Variants in S100G observed in about 807,000 individuals in gnomAD.
S100G encodes the protein S100 calcium binding protein G.
Under a neutral mutation model 4.4 loss-of-function variants are expected in S100G, and 4 were observed. The observed-to-expected ratio is 0.91, with a 90% CI of 0.45 to 2.09. S100G has a LOEUF of 2.09. Among genes scored for constraint, S100G ranks in the 30% most tolerant of loss-of-function variants. The probability of loss-of-function intolerance (pLI) is 0.03; values close to 1 mark genes in which losing one functional copy is unlikely to be tolerated. For missense variants in S100G, 48 were observed against 49.8 expected (o/e 0.96, Z 0.11); for synonymous variants, 24 against 20.1 (o/e 1.20, Z -0.53).
At chrX:16,653,622 C>T (rs886255182) in intron 2 of S100G, among the ~76,000 whole-genome samples, 1 of 111,045 alleles carries the variant, frequency 9.0e-6, no homozygotes, top group Non-Finnish European at 1.9e-5. Context: ...GATTCTCGGG[C>T]CCCACCCCAG....
In S100G at chrX:16,653,953, C is replaced by T. The variant is rs187845361; in HGVS notation, c.136-452C>T. On this transcript the variant is annotated intron_variant, in intron 2 of 2. Transcript: ENST00000380200. ...CGGAAGGATTACAGAAGGAGCCCTC[C>T]CTGCCTGCTGCCTCATGTAATATGT... 2.7e-5 allele frequency among the ~76,000 whole-genome samples: 3 copies of T among 111,058 alleles called. No homozygotes were observed. The East Asian group carries it at 8.5e-4, about 31-fold the overall frequency.
At chrX:16,650,624 T>TGCCTC (rs1319994598) in intron 1 of S100G, among the ~76,000 whole-genome samples, 1 of 104,246 alleles carries the variant, frequency 9.6e-6, no homozygotes, top group Non-Finnish European at 1.9e-5. Flanking sequence ...GCGATTCTCC[T>TGCCTC]GCCTCGGTCT....
intron 1 of S100G, among the ~76,000 whole-genome samples, chrX:16,650,511 CTT>C (rs1167079038): frequency 4.0e-4 from 31 of 77,157 alleles, no homozygotes; most frequent in African/African-American, 1.4e-3. Context: ...TCTAAGATGT[CTT>C]TTTTTTTTTT....
intron 2 of S100G, among the ~76,000 whole-genome samples, chrX:16,651,547 A>G (rs1932632814): frequency 8.9e-6 from 1 of 112,130 alleles, no homozygotes; most frequent in Non-Finnish European, 1.9e-5. Flanking sequence ...TGTATGTAAA[A>G]TCCCTCAACA....
In S100G at chrX:16,651,155, C is replaced by T. The variant is rs761231811; in HGVS notation, c.135+14C>T. 25 of 1,153,359 alleles carry T rather than the reference C, an allele frequency of 2.2e-5. No individual in the cohort carries two copies. The highest frequency in any genetic ancestry group is 3.1e-5 in the East Asian group (1 of 32,063). ...AGTTTACTCAAAGTAAGTGGCCATCCGCAGAGCCCACTTAATGGGACTGAT... is the reference window on the plus strand; with the variant it reads ...AGTTTACTCAAAGTAAGTGGCCATCTGCAGAGCCCACTTAATGGGACTGAT... On this transcript the variant is annotated intron_variant, in intron 2 of 2. Coordinates refer to ENST00000380200, the MANE Select transcript of S100G (RefSeq NM_004057.3).
intron 2 of S100G, 55 bp downstream of exon 2, chrX:16,651,196 A>T (rs1432449295): frequency 1.0e-5 from 3 of 298,514 alleles, no homozygotes; most frequent in Non-Finnish European, 2.0e-5. Flanking sequence ...GAGGGGAGGG[A>T]GGGAGGGGAG....
At chrX:16,654,049 T>C (rs1006434721) in intron 2 of S100G, among the ~76,000 whole-genome samples, 1 of 112,025 alleles carries the variant, frequency 8.9e-6, no homozygotes, top group African/African-American at 3.2e-5. Flanking sequence ...CCTCAACTGT[T>C]TGTGTGCCGT....
intron 1 of S100G, 26 bp from the exon 2 acceptor site, chrX:16,650,973 A>T: frequency 8.5e-7 from 1 of 1,183,298 alleles, no homozygotes. Context: ...CTTTTTGGTA[A>T]GTTTATTTTC....
Position 16,654,438 on chromosome X carries a change from C to T in S100G, c.169C>T (p.Leu57=). The stretch of plus-strand genomic sequence containing the variant: ...CACCCTAGATGATCTCTTTCAAGAA[C>T]TGGACAAGAATGGAGATGGAGAAGT... ...PNTLDDLFQE[L]DKNGDGEVSF... is the part of the protein sequence containing the mutation. Residue 57 remains leucine, a synonymous_variant, in exon 3 of 3, where the codon CTG becomes TTG. Coordinates refer to ENST00000380200, the MANE Select transcript of S100G (RefSeq NM_004057.3). The T allele has an allele frequency of 8.3e-7, 1 of 1,202,458 alleles. No individual in the cohort carries two copies. The highest frequency in any genetic ancestry group is 1.1e-6 in the Non-Finnish European group (1 of 889,034).
rs754087032 is a variant in S100G at position 16,651,149 on chromosome X, G to A, written c.135+8G>A. ...TTCCCCAGTTTACTCAAAGTAAGTG[G>A]CCATCCGCAGAGCCCACTTAATGGG... On this transcript the variant is annotated splice_region_variant and intron_variant, in intron 2 of 2. Transcript: ENST00000380200. 177 of 951,573 alleles carry A rather than the reference G, an allele frequency of 1.9e-4. No individual in the cohort carries two copies. The South Asian group carries it at 3.3e-3, about 18-fold the overall frequency. The allele number at this position is 951,573 out of a possible 1,213,427, so 78.4% of individuals were successfully genotyped here.
At chrX:16,650,659 C>G (rs752261752) in intron 1 of S100G, among the ~76,000 whole-genome samples, 1 of 108,375 alleles carries the variant, frequency 9.2e-6, no homozygotes, top group East Asian at 2.9e-4. Context: ...ACTATAGGCA[C>G]GCACCACCAC....
chrX:16,654,019 G>A (rs1932763334), intron 2 of S100G, among the ~76,000 whole-genome samples: 1 of 111,917 alleles, frequency 8.9e-6, no homozygotes, highest in Admixed American at 9.5e-5. Context: ...CAGCTTCCAG[G>A]AAAACCTTGG....
At chrX:16,654,001 G>C (rs1048084722) in intron 2 of S100G, among the ~76,000 whole-genome samples, 3 of 111,583 alleles carry the variant, frequency 2.7e-5, no homozygotes, top group Admixed American at 9.5e-5. Context: ...TGGAGCAGGA[G>C]ACAAACCCAG....
chrX:16,650,726 G>T (rs1254057679), intron 1 of S100G, among the ~76,000 whole-genome samples: 1 of 109,482 alleles, frequency 9.1e-6, no homozygotes, highest in Non-Finnish European at 1.9e-5. Context: ...GGCTTCCATG[G>T]TCTCGAACTC....
chrX:16,652,254 T>C (rs62589078), intron 2 of S100G, among the ~76,000 whole-genome samples: 3,756 of 112,062 alleles, frequency 0.034, 80 homozygotes, highest in Non-Finnish European at 0.053. Context: ...GAAGTGACTA[T>C]GGAATTGTTT....
chrX:16,651,628 T>G (rs762499893), intron 2 of S100G, among the ~76,000 whole-genome samples: 1 of 112,459 alleles, frequency 8.9e-6, no homozygotes, highest in African/African-American at 3.2e-5. Context: ...CTCATTTATA[T>G]TTCAAAAGCA....
rs1271386843 is a variant in S100G, at chrX:16,654,426, C to T, written c.157C>T (p.Leu53Phe). 3 of 1,196,387 alleles carry T rather than the reference C, an allele frequency of 2.5e-6. No individual in the cohort carries two copies. Among genetic ancestry groups the T allele is most frequent in the Non-Finnish European group, 1.1e-6 (1 of 886,228 alleles). Residue 53 changes from leucine (L) to phenylalanine (F), a missense_variant, in exon 3 of 3, where the codon CTC becomes TTC. Physicochemically the swap from Leu to Phe is conservative, Grantham distance 22 (BLOSUM62 0). Coordinates refer to ENST00000380200, the MANE Select transcript of S100G (RefSeq NM_004057.3). ...ACAGGGTCCAAACACCCTAGATGAT[C>T]TCTTTCAAGAACTGGACAAGAATGG... is the stretch of plus-strand genomic sequence containing the variant. ...LLKGPNTLDD[L>F]FQELDKNGDG...
chrX:16,654,483 G>A lies in S100G; in HGVS notation c.214G>A (p.Val72Ile). ...DGEVSFEEFQVLVKKISQ is the reference protein window; with the variant it reads ...DGEVSFEEFQILVKKISQ ...AGAAGTTAGTTTTGAAGAATTCCAA[G>A]TATTAGTAAAAAAGATATCCCAGTG... is the stretch of plus-strand genomic sequence containing the variant. Residue 72 changes from valine to isoleucine, a missense_variant, in exon 3 of 3, where the codon GTA becomes ATA. Coordinates refer to ENST00000380200, the MANE Select transcript of S100G (RefSeq NM_004057.3). 1 of 1,188,063 alleles carries A rather than the reference G, an allele frequency of 8.4e-7. No homozygotes were observed.
intron 1 of S100G, among the ~76,000 whole-genome samples, chrX:16,650,580 C>T (rs1274109012): frequency 1.0e-5 from 1 of 96,575 alleles, no homozygotes. Flanking sequence ...GCAGTGGCAT[C>T]GCACTCACTG....
Sources: gnomAD v4.1 joint callset for allele counts (sites outside exome capture counted in the v4.1 genomes callset) on GRCh38, gnomAD v4.1.1 for gene constraint, MANE v1.5 for transcripts, NCBI Gene and HGNC (gene_info 2026-07-23, HGNC 2026-07-21) for gene names.